SUGCT: variants seen among roughly 807,000 people sequenced by gnomAD.
SUGCT encodes the protein succinyl-CoA:glutarate-CoA transferase, also known as succinyl-CoA:glutarate CoA-transferase.
In SUGCT, 41 loss-of-function variants were observed where a neutral mutation model predicts 55.0. That is an observed-to-expected ratio of 0.74 (90% confidence interval 0.58 to 0.97). The LOEUF (loss-of-function observed/expected upper bound fraction) is 0.97, where lower values mean the gene tolerates loss of function less well. SUGCT is among the 50% of genes least tolerant of loss of function. The pLI is 0.00. For missense variants in SUGCT, 568 were observed against 547.8 expected, an observed-to-expected ratio of 1.04 and a Z score of -0.37; for synonymous variants, 187 against 200.4, an observed-to-expected ratio of 0.93 and a Z score of 0.56.
intron 12 of SUGCT, among the ~76,000 whole-genome samples, chr7:40,528,074 T>C (rs1161397386): frequency 1.3e-5 from 2 of 152,180 alleles, no homozygotes; most frequent in Non-Finnish European, 2.9e-5. Context: ...AGAAAGCAGC[T>C]TAGCCTTTCT....
chr7:40,873,375 A>C, the SUGCT span, among the ~76,000 whole-genome samples: 3 of 152,212 alleles, frequency 2.0e-5, no homozygotes, highest in Non-Finnish European at 1.5e-5. Flanking sequence ...GACCTCAGCA[A>C]GTTACACCTA....
At chr7:40,888,224 A>C in the SUGCT span, among the ~76,000 whole-genome samples, 7 of 152,196 alleles carry the variant, frequency 4.6e-5, no homozygotes, top group African/African-American at 1.7e-4. Context: ...CTTCTCCTAC[A>C]GCAGGCTTCC....
chr7:40,929,170 G>A, the SUGCT span, among the ~76,000 whole-genome samples: 11 of 152,012 alleles, frequency 7.2e-5, no homozygotes, highest in South Asian at 6.2e-4. Context: ...GAGAACATGC[G>A]GTGTTTGGTT....
At chr7:41,037,815 C>T in the SUGCT span, among the ~76,000 whole-genome samples, 2 of 149,420 alleles carry the variant, frequency 1.3e-5, no homozygotes, top group African/African-American at 2.5e-5. Flanking sequence ...AATATGGAAA[C>T]TTCTTAAGTA....
At chr7:40,970,536 T>G in the SUGCT span, among the ~76,000 whole-genome samples, 2 of 152,154 alleles carry the variant, frequency 1.3e-5, no homozygotes, top group Non-Finnish European at 2.9e-5. Context: ...GGGTGCCAAG[T>G]ATAGGACTAG....
At chr7:40,320,775 T>TG (rs1457606736) in intron 9 of SUGCT, among the ~76,000 whole-genome samples, 1 of 150,470 alleles carries the variant, frequency 6.6e-6, no homozygotes, top group African/African-American at 2.4e-5. Flanking sequence ...GGGAAAAAAA[T>TG]GGAGTTTTTA....
chr7:40,893,284 A>T, the SUGCT span, among the ~76,000 whole-genome samples: 1 of 152,216 alleles, frequency 6.6e-6, no homozygotes, highest in Non-Finnish European at 1.5e-5. Flanking sequence ...AAAACCAGTA[A>T]GGAAACAGTG....
intron 6 of SUGCT, among the ~76,000 whole-genome samples, chr7:40,236,442 CAAA>C (rs60720770): frequency 5.6e-5 from 5 of 90,040 alleles, no homozygotes; most frequent in Non-Finnish European, 6.3e-5. Context: ...TTTCTGATGG[CAAA>C]AAAAAAAAAA....
intron 9 of SUGCT, among the ~76,000 whole-genome samples, chr7:40,348,265 C>A (rs1416619045): frequency 6.6e-6 from 1 of 152,188 alleles, no homozygotes; most frequent in Non-Finnish European, 1.5e-5. Context: ...TTCTTGCAGT[C>A]AGGTGGTTAG....
At position 40,625,623 on chromosome 7, in the gene SUGCT, C is replaced by T. The variant is rs375758325; in HGVS notation, c.1090-123811C>T. On this transcript the variant is annotated intron_variant, in intron 12 of 13. Coordinates refer to ENST00000335693, the MANE Select transcript of SUGCT (RefSeq NM_001193313.2). ...TGAGCCTCACCTCTTTTACCCCAGG[C>T]AACTCATTAGGGTATTTTTCTAAAC... Among the ~76,000 whole-genome samples the T allele has an allele frequency of 1.2e-4, 18 of 152,236 alleles. No individual in the cohort carries two copies. In the East Asian group the frequency reaches 2.7e-3, roughly 23 times the overall value.
At chr7:40,525,300 TG>T (rs543502098) in intron 12 of SUGCT, among the ~76,000 whole-genome samples, 1 of 152,284 alleles carries the variant, frequency 6.6e-6, no homozygotes, top group East Asian at 1.9e-4. Flanking sequence ...AATATAGAAC[TG>T]TGATTGGAGT....
At chr7:40,657,347 G>A (rs1801065480) in intron 12 of SUGCT, among the ~76,000 whole-genome samples, 1 of 152,044 alleles carries the variant, frequency 6.6e-6, no homozygotes, top group African/African-American at 2.4e-5. Context: ...TACCATATCT[G>A]TGCTGTATTT....
intron 13 of SUGCT, among the ~76,000 whole-genome samples, chr7:40,784,227 G>T (rs1287488926): frequency 6.6e-6 from 1 of 152,188 alleles, no homozygotes; most frequent in African/African-American, 2.4e-5. Flanking sequence ...GGGGGTGAGG[G>T]GGGTAGTGAG....
intron 12 of SUGCT, among the ~76,000 whole-genome samples, chr7:40,615,113 A>G: frequency 6.6e-6 from 1 of 152,000 alleles, no homozygotes; most frequent in East Asian, 1.9e-4. Flanking sequence ...AAAAGAATTT[A>G]TTTACAAACA....
intron 12 of SUGCT, among the ~76,000 whole-genome samples, chr7:40,561,917 C>T (rs931883714): frequency 3.4e-5 from 5 of 148,828 alleles, no homozygotes; most frequent in African/African-American, 1.2e-4. Flanking sequence ...GTCTTGAACT[C>T]CTGACCTCCT....
the SUGCT span, among the ~76,000 whole-genome samples, chr7:40,898,760 C>G: frequency 1.1e-4 from 17 of 151,872 alleles, no homozygotes; most frequent in African/African-American, 4.1e-4. Context: ...TCAGCGAGAC[C>G]GAAAGCCTAC....
chr7:40,864,892 C>T (rs1158389155), downstream of SUGCT, among the ~76,000 whole-genome samples: 1 of 152,086 alleles, frequency 6.6e-6, no homozygotes, highest in Admixed American at 6.5e-5. Context: ...ATTTACTCAC[C>T]TCGATTTTTC....
intron 12 of SUGCT, among the ~76,000 whole-genome samples, chr7:40,732,780 G>T (rs972691253): frequency 7.2e-5 from 11 of 152,168 alleles, no homozygotes; most frequent in African/African-American, 2.7e-4. Flanking sequence ...GAAACAGTGT[G>T]TCTGTAAGGC....
intron 8 of SUGCT, among the ~76,000 whole-genome samples, chr7:40,315,976 G>A (rs887541034): frequency 5.3e-5 from 8 of 152,132 alleles, no homozygotes; most frequent in African/African-American, 7.2e-5. Context: ...GTCATATTGA[G>A]TTGAACTATT....
Sources: gnomAD v4.1 joint callset for allele counts (sites outside exome capture counted in the v4.1 genomes callset) on GRCh38, gnomAD v4.1.1 for gene constraint, MANE v1.5 for transcripts, NCBI Gene and HGNC (gene_info 2026-07-23, HGNC 2026-07-21) for gene names.